Variants in KCNJ18 observed in about 807,000 individuals in gnomAD.
The protein encoded by KCNJ18 is inward rectifier potassium channel 18.
KCNJ18 carries 16 observed loss-of-function variants against 17.3 expected under a neutral mutation model. That is an observed-to-expected ratio of 0.92 (90% CI 0.62 to 1.40). KCNJ18 has a LOEUF of 1.40. KCNJ18 is among the 40% of genes most tolerant of loss of function. The probability of loss-of-function intolerance (pLI) is 0.00; values close to 1 mark genes in which losing one functional copy is unlikely to be tolerated. For missense variants in KCNJ18, 462 were observed against 626.8 expected (o/e 0.74, Z 2.81); for synonymous variants, 185 against 262.6 (o/e 0.70, Z 2.86).
chr17:21,693,039 G>A (rs1159904599), intron 1 of KCNJ18, among the ~76,000 whole-genome samples: 6 of 152,310 alleles, frequency 3.9e-5, no homozygotes, highest in Non-Finnish European at 7.3e-5. Context: ...GGCCAGCCCG[G>A]CCTGTTGGCC....
At position 21,703,989 on chromosome 17, in the gene KCNJ18, G is replaced by T. The variant is rs1394007337; in HGVS notation, c.1203G>T (p.Arg401=). 1 of 1,601,228 alleles carries T rather than the reference G, an allele frequency of 6.2e-7. No individual in the cohort carries two copies. Among genetic ancestry groups the T allele is most frequent in the Non-Finnish European group, 8.5e-7 (1 of 1,174,952 alleles). Residue 401 remains arginine, a synonymous_variant, in exon 3 of 3, where the codon CGG becomes CGT. Coordinates refer to ENST00000567955, the MANE Select transcript of KCNJ18 (RefSeq NM_001194958.2). The stretch of plus-strand genomic sequence containing the variant: ...ACGGAGACCAGGACGGCCGAAGCCG[G>T]GATGGCCTCAGCCCCCAGGCCAGGC... ...EADGDQDGRS[R]DGLSPQARHD...
At chr17:21,693,731 C>G (rs1410515430) in intron 1 of KCNJ18, among the ~76,000 whole-genome samples, 1 of 152,286 alleles carries the variant, frequency 6.6e-6, no homozygotes, top group Non-Finnish European at 1.5e-5. Flanking sequence ...CCGTGGAGGT[C>G]CCCAGCTGTT....
At chr17:21,694,869 A>T (rs1905708481) in intron 1 of KCNJ18, among the ~76,000 whole-genome samples, 1 of 149,514 alleles carries the variant, frequency 6.7e-6, no homozygotes, top group East Asian at 2.0e-4. Flanking sequence ...TCATCCACCC[A>T]CTCAACCATA....
chr17:21,702,783 C>T lies in KCNJ18; in HGVS notation c.-4C>T, dbSNP rs1373370654. 8.2e-5 allele frequency: 130 copies of T among 1,579,838 alleles called. No individual in the cohort carries two copies. Among genetic ancestry groups the T allele is most frequent in the East Asian group, 1.9e-4 (8 of 43,144 alleles). On this transcript the variant is annotated 5_prime_UTR_variant, in exon 3 of 3. Coordinates refer to ENST00000567955, the MANE Select transcript of KCNJ18 (RefSeq NM_001194958.2). The stretch of plus-strand genomic sequence containing the variant: ...GGGTGAGCCAGGGTCCCCCAACCCC[C>T]GGGATGACCGCGGCCAGCCGGGCCA...
intron 2 of KCNJ18, among the ~76,000 whole-genome samples, chr17:21,697,994 G>T (rs1171546918): frequency 2.0e-5 from 3 of 152,300 alleles, no homozygotes; most frequent in African/African-American, 2.4e-5. Context: ...CAATGGTAAG[G>T]CTTGATCATG....
intron 2 of KCNJ18, among the ~76,000 whole-genome samples, chr17:21,699,656 C>A (rs1483714595): frequency 1.3e-5 from 2 of 152,308 alleles, no homozygotes; most frequent in Non-Finnish European, 2.9e-5. Flanking sequence ...TGAACTTGAC[C>A]TTGTTGATGC....
At chr17:21,695,491 A>C (rs1905734205) in intron 1 of KCNJ18, among the ~76,000 whole-genome samples, 1 of 152,286 alleles carries the variant, frequency 6.6e-6, no homozygotes, top group Non-Finnish European at 1.5e-5. Context: ...CCATCTACCC[A>C]TTCATTCATC....
At chr17:21,695,373 C>G (rs1905729737) in intron 1 of KCNJ18, among the ~76,000 whole-genome samples, 2 of 152,126 alleles carry the variant, frequency 1.3e-5, no homozygotes, top group African/African-American at 4.8e-5. Context: ...CATCCATATA[C>G]CCACTCATCC....
Position 21,702,991 on chromosome 17 carries a change from G to T in KCNJ18, c.205G>T (p.Ala69Ser). 1 of 1,608,652 alleles carries T rather than the reference G, an allele frequency of 6.2e-7. No homozygotes were observed. Among genetic ancestry groups the T allele is most frequent in the Non-Finnish European group, 8.5e-7 (1 of 1,178,238 alleles). ...GGACGAGAAGTCACAGCGCTACCTG[G>T]CTGACATGTTCACCACCTGTGTGGA... Reference protein sequence around the residue: ...NMDEKSQRYLADMFTTCVDIR... With the variant: ...NMDEKSQRYLSDMFTTCVDIR... The change falls in exon 3 of 3, where the codon GCT becomes TCT. Residue 69 changes from alanine to serine, a missense_variant. Around this residue, in one of 5 missense-constraint regions of KCNJ18, gnomAD observed 237 missense variants for 259.4 expected, o/e 0.91. Coordinates refer to ENST00000567955, the MANE Select transcript of KCNJ18 (RefSeq NM_001194958.2).
chr17:21,695,198 TTCATC>T (rs1905723174), intron 1 of KCNJ18, among the ~76,000 whole-genome samples: 3 of 132,622 alleles, frequency 2.3e-5, no homozygotes, highest in Non-Finnish European at 3.3e-5. Context: ...CATCCATCCA[TTCATC>T]CATCCATCCA....
chr17:21,699,031 C>T (rs1342343111), intron 2 of KCNJ18, among the ~76,000 whole-genome samples: 2 of 152,274 alleles, frequency 1.3e-5, no homozygotes, highest in African/African-American at 2.4e-5. Flanking sequence ...GAAAACGGTC[C>T]TAACTTTAGT....
chr17:21,698,970 T>C (rs1905852739), intron 2 of KCNJ18, among the ~76,000 whole-genome samples: 1 of 152,140 alleles, frequency 6.6e-6, no homozygotes, highest in African/African-American at 2.4e-5. Flanking sequence ...CCCTCTCCCA[T>C]TCCCCTCCCG....
chr17:21,699,698 C>T (rs1324901625), intron 2 of KCNJ18, among the ~76,000 whole-genome samples: 311 of 152,370 alleles, frequency 2.0e-3, no homozygotes, highest in Non-Finnish European at 3.6e-3. Flanking sequence ...CAGAGAGGAA[C>T]GTCAACAGAA....
At chr17:21,699,923 C>T (rs1187552024) in intron 2 of KCNJ18, among the ~76,000 whole-genome samples, 8 of 152,264 alleles carry the variant, frequency 5.3e-5, no homozygotes, top group African/African-American at 1.9e-4. Context: ...GGAGCAGGGG[C>T]TGGAGCAGCC....
intron 2 of KCNJ18, among the ~76,000 whole-genome samples, chr17:21,699,219 C>T (rs1312380280): frequency 6.6e-6 from 1 of 152,146 alleles, no homozygotes; most frequent in Non-Finnish European, 1.5e-5. Flanking sequence ...CTGTATGCAC[C>T]CCATTGAGCA....
At chr17:21,694,242 A>C (rs1329246745) in intron 1 of KCNJ18, among the ~76,000 whole-genome samples, 265 of 151,916 alleles carry the variant, frequency 1.7e-3, no homozygotes, top group African/African-American at 5.0e-3. Flanking sequence ...CATGAACTCC[A>C]TGGCTGGGAG....
Position 21,702,796 on chromosome 17 carries a change from G to A in KCNJ18, c.10G>A (p.Ala4Thr). 1.3e-6 allele frequency: 2 copies of A among 1,588,898 alleles called. No homozygotes were observed. Among genetic ancestry groups the A allele is most frequent in the East Asian group, 2.3e-5 (1 of 43,814 alleles). MTA[A>T]SRANPYSIVS... ...TCCCCCAACCCCCGGGATGACCGCGGCCAGCCGGGCCAACCCCTACAGCAT... is the reference window on the plus strand; with the variant it reads ...TCCCCCAACCCCCGGGATGACCGCGACCAGCCGGGCCAACCCCTACAGCAT... The change falls in exon 3 of 3, where the codon GCC (alanine) becomes ACC (threonine). Residue 4 changes from alanine to threonine, a missense_variant. Ala to Thr is a moderately conservative substitution (Grantham distance 58). Coordinates refer to ENST00000567955, the MANE Select transcript of KCNJ18 (RefSeq NM_001194958.2).
At chr17:21,697,206 G>A (rs1905784421) in intron 2 of KCNJ18, among the ~76,000 whole-genome samples, 1 of 152,310 alleles carries the variant, frequency 6.6e-6, no homozygotes, top group African/African-American at 2.4e-5. Context: ...ATTGAGACAG[G>A]TGGGCCTGAG....
chr17:21,699,593 T>C (rs1304009940), intron 2 of KCNJ18, among the ~76,000 whole-genome samples: 1 of 152,270 alleles, frequency 6.6e-6, no homozygotes, highest in Admixed American at 6.5e-5. Context: ...CCAGGGGTCC[T>C]GGGACAGGTG....
Sources: gnomAD v4.1 joint callset for allele counts (sites outside exome capture counted in the v4.1 genomes callset) on GRCh38, gnomAD v4.1.1 for gene constraint, gnomAD v4.1.1 regional missense constraint, MANE v1.5 for transcripts, NCBI Gene and HGNC (gene_info 2026-07-23, HGNC 2026-07-21) for gene names.